Variants in LARGE1 observed in about 807,000 individuals in gnomAD.
LARGE1 encodes the protein xylosyl- and glucuronyltransferase LARGE1.
Under a neutral mutation model 87.6 loss-of-function variants are expected in LARGE1, and 43 were observed. The observed-to-expected ratio is 0.49, with a 90% CI of 0.38 to 0.63. The LOEUF is 0.63. LARGE1 is among the 30% of genes least tolerant of loss of function. The pLI is 0.00. For missense variants in LARGE1, 802 were observed against 1,000.2 expected (o/e 0.80, Z 2.67); for synonymous variants, 434 against 394.6 (o/e 1.10, Z -1.18).
At chr22:33,458,042 A>G (rs1379366692) in intron 6 of LARGE1, among the ~76,000 whole-genome samples, 2 of 152,240 alleles carry the variant, frequency 1.3e-5, no homozygotes, top group African/African-American at 2.4e-5. Flanking sequence ...CCATATCTGT[A>G]AACCATCTAA....
At chr22:33,325,524 A>G (rs1937163519) in intron 10 of LARGE1, among the ~76,000 whole-genome samples, 1 of 152,226 alleles carries the variant, frequency 6.6e-6, no homozygotes, top group Non-Finnish European at 1.5e-5. Context: ...ACCTGCAGAA[A>G]AACTACCTGC....
At chr22:33,390,939 C>T (rs967059310) in intron 7 of LARGE1, among the ~76,000 whole-genome samples, 13 of 152,134 alleles carry the variant, frequency 8.5e-5, no homozygotes, top group African/African-American at 1.4e-4. Flanking sequence ...TCAAGTGATC[C>T]GCCCACCTTG....
intron 1 of LARGE1, among the ~76,000 whole-genome samples, chr22:33,894,877 C>T (rs2065092268): frequency 6.6e-6 from 1 of 152,172 alleles, no homozygotes; most frequent in South Asian, 2.1e-4. Context: ...ATGGCAGTGG[C>T]ACTTCTCAAT....
At chr22:33,229,409 ACAAAAC>A (rs1433261151) in intron 11 of LARGE1, among the ~76,000 whole-genome samples, 1 of 152,150 alleles carries the variant, frequency 6.6e-6, no homozygotes, top group Non-Finnish European at 1.5e-5. Flanking sequence ...AGACAAAAAG[ACAAAAC>A]AGAAATTATA....
intron 6 of LARGE1, among the ~76,000 whole-genome samples, chr22:33,453,475 A>G (rs2267212): frequency 0.27 from 41,147 of 151,904 alleles, 6,833 homozygotes; most frequent in African/African-American, 0.47. Flanking sequence ...CTTCAGTCTG[A>G]TCTCCCAGGG....
intron 2 of LARGE1, among the ~76,000 whole-genome samples, chr22:33,741,506 G>T (rs1305047083): frequency 6.6e-6 from 1 of 152,204 alleles, no homozygotes; most frequent in Non-Finnish European, 1.5e-5. Flanking sequence ...TTCTGGTGGA[G>T]GGAGCTGAGA....
intron 6 of LARGE1, among the ~76,000 whole-genome samples, chr22:33,516,328 G>A (rs545830634): frequency 6.6e-6 from 1 of 152,228 alleles, no homozygotes; most frequent in Admixed American, 6.5e-5. Flanking sequence ...TGTGGGGAGA[G>A]GCCCACATCC....
chr22:33,453,235 T>C (rs1480471914), intron 6 of LARGE1, among the ~76,000 whole-genome samples: 3 of 151,974 alleles, frequency 2.0e-5, no homozygotes. Context: ...GCCAATATGG[T>C]GAAACCCCAT....
intron 11 of LARGE1, among the ~76,000 whole-genome samples, chr22:33,229,862 A>G (rs1925916095): frequency 6.6e-6 from 1 of 152,128 alleles, no homozygotes; most frequent in Non-Finnish European, 1.5e-5. Flanking sequence ...TGAACAATAA[A>G]GACAAAAGTA....
chr22:33,092,978 G>A, the LARGE1 span, among the ~76,000 whole-genome samples: 1 of 151,982 alleles, frequency 6.6e-6, no homozygotes. Context: ...TATTCTTTTG[G>A]GTATATACTC....
chr22:33,309,415 C>T (rs530141689), intron 11 of LARGE1, among the ~76,000 whole-genome samples: 4 of 152,288 alleles, frequency 2.6e-5, no homozygotes, highest in East Asian at 1.9e-4. Flanking sequence ...GATTTGACTG[C>T]CTTGGCCTCC....
intron 9 of LARGE1, among the ~76,000 whole-genome samples, chr22:33,356,815 A>G (rs149232265): frequency 2.6e-3 from 397 of 152,300 alleles, no homozygotes; most frequent in Admixed American, 5.6e-3. Flanking sequence ...AAGAGAAAAC[A>G]AAAGAAACAA....
chr22:33,496,794 C>A (rs2070143783), intron 6 of LARGE1, among the ~76,000 whole-genome samples: 1 of 152,198 alleles, frequency 6.6e-6, no homozygotes, highest in African/African-American at 2.4e-5. Context: ...CACTTCTGCA[C>A]TTAAAAACTC....
At chr22:33,712,614 A>T (rs2082765873) in intron 2 of LARGE1, among the ~76,000 whole-genome samples, 1 of 150,550 alleles carries the variant, frequency 6.6e-6, no homozygotes, top group African/African-American at 2.5e-5. Flanking sequence ...TTAGAGTCAC[A>T]GAAATTGAGG....
intron 2 of LARGE1, among the ~76,000 whole-genome samples, chr22:33,663,048 T>C (rs2081174742): frequency 6.8e-6 from 1 of 148,140 alleles, no homozygotes; most frequent in Admixed American, 6.6e-5. Flanking sequence ...AGGAGGAAAA[T>C]GAAAAAAAAA....
chr22:33,900,171 C>T (rs1272006363), intron 1 of LARGE1, among the ~76,000 whole-genome samples: 2 of 152,218 alleles, frequency 1.3e-5, no homozygotes, highest in Non-Finnish European at 2.9e-5. Context: ...TCAGGATTTA[C>T]ACTCAAATTG....
chr22:33,744,417 G>A (rs923517150), intron 2 of LARGE1: 13 of 152,346 alleles, frequency 8.5e-5, no homozygotes, highest in African/African-American at 1.9e-4. Flanking sequence ...CTCCCAGGAG[G>A]TGGATGCTCC....
At chr22:33,887,863 C>A (rs1376005896) in intron 1 of LARGE1, among the ~76,000 whole-genome samples, 1 of 152,210 alleles carries the variant, frequency 6.6e-6, no homozygotes, top group Admixed American at 6.5e-5. Context: ...AACAAACTTA[C>A]AAGGTTTACC....
At chr22:33,123,633 G>A in the LARGE1 span, among the ~76,000 whole-genome samples, 1 of 152,212 alleles carries the variant, frequency 6.6e-6, no homozygotes, top group Non-Finnish European at 1.5e-5. Flanking sequence ...GTAGAATGAC[G>A]AGAGTGAATT....
Sources: allele counts gnomAD v4.1 joint callset (sites outside exome capture counted in the v4.1 genomes callset), GRCh38; gene constraint gnomAD v4.1.1; transcripts MANE v1.5; gene names NCBI Gene and HGNC (gene_info 2026-07-23, HGNC 2026-07-21).